Variants in GPC5 observed in about 807,000 individuals in gnomAD.
The protein encoded by GPC5 is glypican 5, also known as glypican-5.
Under a neutral mutation model 53.9 loss-of-function variants are expected in GPC5, and 47 were observed. That is an observed-to-expected ratio of 0.87 (90% CI 0.69 to 1.11). The LOEUF is 1.11. Among genes scored for constraint, GPC5 ranks in the 50% most tolerant of loss-of-function variants. GPC5 has a pLI of 0.00. For synonymous variants in GPC5, 286 were observed against 263.3 expected (o/e 1.09, Z -0.84); for missense variants, 748 against 713.1 (o/e 1.05, Z -0.56).
At chr13:92,423,951 T>C (rs1202992920) in intron 7 of GPC5, among the ~76,000 whole-genome samples, 1 of 152,152 alleles carries the variant, frequency 6.6e-6, no homozygotes, top group Non-Finnish European at 1.5e-5. Context: ...AGCATTTCCA[T>C]GTGTAGTATG....
chr13:92,246,986 C>T (rs185045861), intron 7 of GPC5, among the ~76,000 whole-genome samples: 28 of 152,088 alleles, frequency 1.8e-4, no homozygotes, highest in African/African-American at 5.5e-4. Context: ...AATTTTTTGC[C>T]GTGCTATGTC....
chr13:92,672,518 C>T (rs528644086), intron 7 of GPC5, among the ~76,000 whole-genome samples: 1 of 152,104 alleles, frequency 6.6e-6, no homozygotes, highest in Non-Finnish European at 1.5e-5. Flanking sequence ...TTTGACCCAG[C>T]AATCCCATAC....
In GPC5 at chr13:92,150,043, A is replaced by G. The variant is rs1362961000; in HGVS notation, c.1561+5054A>G. ...TAAAATATATTCAGCTTACTTTGTA[A>G]ACTGTTGAAAAATAACCCATTAATA... On this transcript the variant is annotated intron_variant, in intron 7 of 7. Transcript: ENST00000377067. 2.6e-5 allele frequency among the ~76,000 whole-genome samples: 4 copies of G among 152,000 alleles called. 1 individual carries two copies. Among genetic ancestry groups the G allele is most frequent in the Non-Finnish European group, 5.9e-5 (4 of 67,866 alleles).
chr13:92,715,437 G>C (rs1359884518), intron 7 of GPC5, among the ~76,000 whole-genome samples: 1 of 152,152 alleles, frequency 6.6e-6, no homozygotes, highest in Non-Finnish European at 1.5e-5. Context: ...CTGGAAGAAG[G>C]CTTAGGAAGG....
intron 6 of GPC5, among the ~76,000 whole-genome samples, chr13:92,072,644 G>C (rs764092922): frequency 2.3e-4 from 34 of 148,380 alleles, no homozygotes; most frequent in Non-Finnish European, 5.0e-4. Context: ...CATGATCTCG[G>C]CTCATTTCAT....
chr13:92,321,731 G>A (rs561010979), intron 7 of GPC5, among the ~76,000 whole-genome samples: 4 of 151,994 alleles, frequency 2.6e-5, no homozygotes, highest in South Asian at 2.1e-4. Flanking sequence ...TAAAAGTTAC[G>A]GTATACTGAT....
intron 4 of GPC5, among the ~76,000 whole-genome samples, chr13:91,736,094 G>A (rs1469903540): frequency 6.6e-6 from 1 of 151,112 alleles, no homozygotes; most frequent in Non-Finnish European, 1.5e-5. Context: ...TCAAGGATGG[G>A]ATATAGCAGA....
At chr13:92,759,995 A>G (rs1204624699) in intron 7 of GPC5, among the ~76,000 whole-genome samples, 1 of 152,062 alleles carries the variant, frequency 6.6e-6, no homozygotes, top group African/African-American at 2.4e-5. Context: ...TTTTCAATAT[A>G]TTAGTGTGAT....
At chr13:92,232,492 A>G (rs1385537935) in intron 7 of GPC5, among the ~76,000 whole-genome samples, 1 of 152,178 alleles carries the variant, frequency 6.6e-6, no homozygotes, top group Non-Finnish European at 1.5e-5. Context: ...GGTCAGTAAT[A>G]TTTCTCATGT....
intron 7 of GPC5, among the ~76,000 whole-genome samples, chr13:92,743,670 CA>C (rs1372602807): frequency 6.6e-6 from 1 of 152,068 alleles, no homozygotes; most frequent in African/African-American, 2.4e-5. Context: ...TGCCAGTTTT[CA>C]AAGAGAATGC....
chr13:92,548,148 A>G (rs1423959772), intron 7 of GPC5, among the ~76,000 whole-genome samples: 1 of 151,826 alleles, frequency 6.6e-6, no homozygotes, highest in African/African-American at 2.4e-5. Context: ...CATGGCTATT[A>G]TTCTTTTAAA....
chr13:92,528,342 C>A (rs1380137478), intron 7 of GPC5, among the ~76,000 whole-genome samples: 1 of 152,022 alleles, frequency 6.6e-6, no homozygotes, highest in Non-Finnish European at 1.5e-5. Context: ...TAATGTAAGT[C>A]ATGCCAATCA....
At chr13:91,906,038 C>G (rs563116900) in intron 5 of GPC5, among the ~76,000 whole-genome samples, 19 of 152,092 alleles carry the variant, frequency 1.2e-4, no homozygotes, top group South Asian at 2.1e-4. Context: ...CCTCACCCCC[C>G]CTGCCAACGT....
intron 7 of GPC5, among the ~76,000 whole-genome samples, chr13:92,217,609 C>T (rs139884768): frequency 4.0e-4 from 61 of 152,300 alleles, no homozygotes; most frequent in African/African-American, 1.4e-3. Flanking sequence ...CCCGTGTCTC[C>T]GCCACCAAGT....
At chr13:91,992,365 A>G (rs2040464705) in intron 6 of GPC5, among the ~76,000 whole-genome samples, 1 of 152,176 alleles carries the variant, frequency 6.6e-6, no homozygotes, top group Admixed American at 6.5e-5. Context: ...ACCAGTAGCC[A>G]GTGGAAAACA....
At chr13:91,945,704 C>T (rs2039968398) in intron 6 of GPC5, among the ~76,000 whole-genome samples, 1 of 152,132 alleles carries the variant, frequency 6.6e-6, no homozygotes, top group Non-Finnish European at 1.5e-5. Flanking sequence ...CTGTGACAGA[C>T]TGTTGCCTCA....
intron 7 of GPC5, among the ~76,000 whole-genome samples, chr13:92,557,032 A>G (rs1385620365): frequency 1.3e-5 from 2 of 151,882 alleles, no homozygotes; most frequent in African/African-American, 2.4e-5. Flanking sequence ...CAGAGATCAG[A>G]TAACAGGATT....
intron 7 of GPC5, among the ~76,000 whole-genome samples, chr13:92,264,982 T>C (rs562582370): frequency 1.1e-4 from 16 of 149,654 alleles, no homozygotes; most frequent in Admixed American, 2.7e-4. Flanking sequence ...GAGCAGAGAT[T>C]TGAGGCAGTT....
At chr13:91,618,471 C>G (rs2033759617) in intron 2 of GPC5, among the ~76,000 whole-genome samples, 1 of 151,952 alleles carries the variant, frequency 6.6e-6, no homozygotes, top group Admixed American at 6.6e-5. Flanking sequence ...TGGGATAGTC[C>G]TCTCAGGCAT....
Sources: allele counts gnomAD v4.1 joint callset (sites outside exome capture counted in the v4.1 genomes callset), GRCh38; gene constraint gnomAD v4.1.1; transcripts MANE v1.5; gene names NCBI Gene and HGNC (gene_info 2026-07-23, HGNC 2026-07-21).